Variants in CLASP2 observed in about 807,000 individuals in gnomAD.
CLASP2 encodes the protein CLIP-associating protein 2.
In CLASP2, 47 loss-of-function variants were observed where a neutral mutation model predicts 194.4. That is an observed-to-expected ratio of 0.24 (90% CI 0.19 to 0.31). The LOEUF (loss-of-function observed/expected upper bound fraction) is 0.31, where lower values mean the gene tolerates loss of function less well. Among genes scored for constraint, CLASP2 ranks in the 10% least tolerant of loss-of-function variants. The pLI is 1.00. For synonymous variants in CLASP2, 619 were observed against 633.5 expected, an observed-to-expected ratio of 0.98 and a Z score of 0.34; for missense variants, 1,445 against 1,823.6, an observed-to-expected ratio of 0.79 and a Z score of 3.78.
chr3:33,685,282 C>T (rs1420625281), intron 5 of CLASP2, among the ~76,000 whole-genome samples: 3 of 130,176 alleles, frequency 2.3e-5, no homozygotes, highest in Non-Finnish European at 4.6e-5. Flanking sequence ...GTGGAGGTTG[C>T]AGTGAGCCAG....
intron 32 of CLASP2, among the ~76,000 whole-genome samples, chr3:33,543,041 G>A (rs968330200): frequency 5.3e-5 from 8 of 152,026 alleles, no homozygotes; most frequent in Non-Finnish European, 1.0e-4. Context: ...AGTCAAGTGG[G>A]AACTGACTTG....
At chr3:33,699,688 T>G (rs1435373749) in intron 1 of CLASP2, among the ~76,000 whole-genome samples, 1 of 152,100 alleles carries the variant, frequency 6.6e-6, no homozygotes, top group Non-Finnish European at 1.5e-5. Flanking sequence ...AAGTTTAATT[T>G]ATAAATTTGG....
chr3:33,501,657 T>C lies in CLASP2; in HGVS notation c.4429A>G (p.Ser1477Gly). The change falls in exon 38 of 39, where the codon AGT becomes GGT. Residue 1477 changes from serine to glycine, a missense_variant. This residue lies in a region of CLASP2 where 732 missense variants were observed against 987.9 expected (regional missense o/e 0.74). Coordinates refer to ENST00000682230, the MANE Select transcript of CLASP2 (RefSeq NM_001365631.1). The part of the protein sequence containing the change: ...LKPHLSQLTG[S>G]KMKLLNLYIK... ...AACACAGCAGCACTACTTACTTTAC[T>C]GCCAGTAAGTTGACTGAGATGTGGT... 6.3e-7 allele frequency: 1 copy of C among 1,594,512 alleles called. No homozygotes were observed. Among genetic ancestry groups the C allele is most frequent in the Non-Finnish European group, 8.6e-7 (1 of 1,162,154 alleles).
intron 7 of CLASP2, among the ~76,000 whole-genome samples, chr3:33,653,350 C>G (rs977604021): frequency 6.6e-6 from 1 of 151,610 alleles, no homozygotes; most frequent in South Asian, 2.1e-4. Flanking sequence ...ATAAAAGCAC[C>G]ACACAACACA....
Position 33,717,794 on chromosome 3 carries a change from C to T in CLASP2, c.195+14G>A. The T allele has an allele frequency of 6.4e-7, 1 of 1,550,764 alleles. No individual in the cohort carries two copies. On this transcript the variant is annotated intron_variant, in intron 1 of 38. Transcript: ENST00000682230. ...GGAGGGCGTGACCAGCCCAGCCTCGCCGCCGTCGCTTACCCGGTAGTTGCT... is the reference window on the plus strand; with the variant it reads ...GGAGGGCGTGACCAGCCCAGCCTCGTCGCCGTCGCTTACCCGGTAGTTGCT...
intron 6 of CLASP2, among the ~76,000 whole-genome samples, chr3:33,677,715 T>A (rs533012140): frequency 2.1e-5 from 3 of 141,982 alleles, no homozygotes; most frequent in South Asian, 2.2e-4. Context: ...TAATAAAAAA[T>A]AAAAAATAAA....
intron 8 of CLASP2, among the ~76,000 whole-genome samples, chr3:33,638,545 A>G (rs1226960664): frequency 6.6e-6 from 1 of 152,136 alleles, no homozygotes; most frequent in Non-Finnish European, 1.5e-5. Flanking sequence ...TGACCTTGTT[A>G]GCCGCCCGCC....
chr3:33,581,476 T>C (rs2066127838), intron 23 of CLASP2, among the ~76,000 whole-genome samples: 1 of 152,250 alleles, frequency 6.6e-6, no homozygotes. Flanking sequence ...TTTATCAAAC[T>C]AGTCCGCATT....
At chr3:33,589,129 C>T (rs972123463) in intron 21 of CLASP2, among the ~76,000 whole-genome samples, 1 of 151,994 alleles carries the variant, frequency 6.6e-6, no homozygotes, top group Non-Finnish European at 1.5e-5. Flanking sequence ...AGAAAAATTA[C>T]ATGAAAAAGC....
chr3:33,587,934 G>A (rs1204897081), intron 21 of CLASP2, among the ~76,000 whole-genome samples: 1 of 152,170 alleles, frequency 6.6e-6, no homozygotes, highest in Non-Finnish European at 1.5e-5. Context: ...TAAATTTGGG[G>A]GGTGGAAGTG....
In CLASP2 at chr3:33,549,486, C is replaced by T. The variant is rs574567921; in HGVS notation, c.3153+1766G>A. On this transcript the variant is annotated intron_variant, in intron 30 of 38. Coordinates refer to ENST00000682230, the MANE Select transcript of CLASP2 (RefSeq NM_001365631.1). ...CTTATTTCTCTTTTGATTTCCTCTT[C>T]GGCCCACTGACTATTTAAGAGTGAG... Among the ~76,000 whole-genome samples, 17 of 152,240 alleles carry T rather than the reference C, an allele frequency of 1.1e-4. No homozygotes were observed. In the South Asian group the frequency reaches 2.3e-3, roughly 20 times the overall value.
intron 7 of CLASP2, among the ~76,000 whole-genome samples, chr3:33,663,197 C>CAAAAAAAAAAAAA (rs60671856): frequency 2.0e-5 from 2 of 100,770 alleles, no homozygotes; most frequent in African/African-American, 3.8e-5. Flanking sequence ...GCAGTATCAC[C>CAAAAAAAAAAAAA]AAAAAAAAAA....
intron 34 of CLASP2, among the ~76,000 whole-genome samples, chr3:33,528,644 C>G (rs1237346767): frequency 2.6e-5 from 4 of 152,096 alleles, no homozygotes; most frequent in African/African-American, 9.7e-5. Context: ...TGCCTGTAGT[C>G]CCAGCTACTT....
intron 23 of CLASP2, 92 bp downstream of exon 23, chr3:33,581,729 C>T (rs992251562): frequency 6.1e-6 from 5 of 823,744 alleles, no homozygotes; most frequent in African/African-American, 3.4e-5. Flanking sequence ...GATCTGTCGA[C>T]AAAGAAAGCT....
intron 1 of CLASP2, among the ~76,000 whole-genome samples, chr3:33,712,633 T>C (rs2093070270): frequency 6.6e-6 from 1 of 152,010 alleles, no homozygotes; most frequent in Non-Finnish European, 1.5e-5. Context: ...AATTTAGAGT[T>C]CCGGAATATC....
chr3:33,538,389 C>G (rs1171479973), intron 33 of CLASP2, among the ~76,000 whole-genome samples: 2 of 152,332 alleles, frequency 1.3e-5, no homozygotes, highest in Middle Eastern at 3.4e-3. Context: ...AATAGACTCA[C>G]TTTCCTCCAA....
intron 10 of CLASP2, among the ~76,000 whole-genome samples, chr3:33,623,424 C>T (rs113545059): frequency 3.3e-5 from 5 of 151,756 alleles, no homozygotes; most frequent in South Asian, 2.1e-4. Flanking sequence ...CCTACCCAAC[C>T]CCCAACTACC....
chr3:33,586,145 T>TC (rs1027567740), intron 21 of CLASP2, among the ~76,000 whole-genome samples: 12 of 151,450 alleles, frequency 7.9e-5, no homozygotes, highest in Admixed American at 2.6e-4. Context: ...TTTTCTTTTT[T>TC]CCCCCCCGAG....
In CLASP2 at chr3:33,680,741, G is replaced by A. The variant is rs150824431; in HGVS notation, c.644+3618C>T. On this transcript the variant is annotated intron_variant, in intron 6 of 38. Transcript: ENST00000682230. The stretch of plus-strand genomic sequence containing the variant: ...TGGGAGGATTGCTTGGGGCCAAGAG[G>A]TTGAGGCTGCAGTGAACCGTGGTCA... Among the ~76,000 whole-genome samples, 332 of 152,190 alleles carry A rather than the reference G, an allele frequency of 2.2e-3. 5 individuals carry two copies. The highest frequency in any genetic ancestry group is 7.7e-3 in the African/African-American group (321 of 41,526).
Sources: allele counts gnomAD v4.1 joint callset (sites outside exome capture counted in the v4.1 genomes callset), GRCh38; gene constraint gnomAD v4.1.1; regional missense constraint gnomAD v4.1.1; transcripts MANE v1.5; gene names NCBI Gene and HGNC (gene_info 2026-07-23, HGNC 2026-07-21).